The following ELFN1 variants were observed in gnomAD, a reference collection of about 807,000 sequenced individuals.
ELFN1 encodes protein ELFN1.
ELFN1 carries 6 observed loss-of-function variants against 7.6 expected under a neutral mutation model. The observed-to-expected ratio is 0.79, with a 90% CI of 0.43 to 1.56. The LOEUF is 1.56. Among genes scored for constraint, ELFN1 ranks in the 40% most tolerant of loss-of-function variants. The probability of loss-of-function intolerance (pLI) is 0.01; values close to 1 mark genes in which losing one functional copy is unlikely to be tolerated. For missense variants in ELFN1, 1,169 were observed against 1,232.2 expected, an observed-to-expected ratio of 0.95 and a Z score of 0.77; for synonymous variants, 657 against 588.1, an observed-to-expected ratio of 1.12 and a Z score of -1.70.
At chr7:1,727,105 C>T (rs1374273022) in intron 3 of ELFN1, among the ~76,000 whole-genome samples, 1 of 152,142 alleles carries the variant, frequency 6.6e-6, no homozygotes, top group African/African-American at 2.4e-5. Context: ...AGACAGCAAC[C>T]CTGTTCCGTC....
At chr7:1,667,232 G>T (rs1778685303), upstream of ELFN1, among the ~76,000 whole-genome samples, 1 of 151,848 alleles carries the variant, frequency 6.6e-6, no homozygotes, top group Non-Finnish European at 1.5e-5. This position sits in a 1 kb window ranked among gnomAD's most constrained non-coding sequence, Gnocchi z 8.2. Context: ...CGAGTCCTCC[G>T]CCGCGGGCTG....
chr7:1,719,268 GCCA>G (rs1562375717), intron 3 of ELFN1, among the ~76,000 whole-genome samples: 1 of 50,448 alleles, frequency 2.0e-5, no homozygotes, highest in Admixed American at 1.8e-4. Context: ...CAGGACCCAA[GCCA>G]CCAACAGGGC....
chr7:1,746,428 TC>T lies in ELFN1; in HGVS notation c.1834del (p.Leu612TrpfsTer72), dbSNP rs1315731970. On this transcript the variant is annotated frameshift_variant, in exon 4 of 4. Transcript: ENST00000424383. LOFTEE classifies it low-confidence loss of function (END_TRUNC). The stretch of plus-strand genomic sequence containing the variant: ...GAGCCGCTGGCCGCCAAGCACGGCT[TC>T]CTGGCGCCCGGGTACAAGGACGCCT... ...LSEPLAAKHG[F>X]LAPGYKDAFG... The T allele has an allele frequency of 6.5e-7, 1 of 1,532,338 alleles. No individual in the cohort carries two copies. The allele number at this position is 1,532,338 out of a possible 1,614,324, so 94.9% of individuals were successfully genotyped here. A position where few individuals can be genotyped will look rare whatever the true frequency, so the allele number is the denominator to read the frequency against.
chr7:1,717,663 C>G (rs150728924), intron 3 of ELFN1, among the ~76,000 whole-genome samples: 1 of 152,110 alleles, frequency 6.6e-6, no homozygotes, highest in African/African-American at 2.4e-5. Flanking sequence ...GAGTGGCCTT[C>G]TAGGAAAGAA....
In ELFN1 at chr7:1,744,518, C is replaced by A; in HGVS notation, c.-79C>A. On this transcript the variant is annotated 5_prime_UTR_variant, in exon 4 of 4. Coordinates refer to ENST00000424383, the MANE Select transcript of ELFN1 (RefSeq NM_001128636.4). ...GCACCTCCCCCTCCCGCCCCTCCAT[C>A]CCTCTGGGGGCTGGCGCCTGGCCCC... 1 of 1,397,966 alleles carries A rather than the reference C, an allele frequency of 7.2e-7. No individual in the cohort carries two copies. The highest frequency in any genetic ancestry group is 9.3e-7 in the Non-Finnish European group (1 of 1,070,424). The allele number at this position is 1,397,966 out of a possible 1,614,324, so 86.6% of individuals were successfully genotyped here.
intron 1 of ELFN1, among the ~76,000 whole-genome samples, chr7:1,678,409 C>T (rs569238493): frequency 6.6e-6 from 1 of 152,316 alleles, no homozygotes; most frequent in East Asian, 1.9e-4. Context: ...GTAAGGCCCG[C>T]GCCACTGGGA....
chr7:1,693,841 G>C (rs1002852993), intron 2 of ELFN1: 9 of 461,158 alleles, frequency 2.0e-5, no homozygotes, highest in Non-Finnish European at 4.1e-5. Context: ...GCCAATCGGG[G>C]TTCCTGGGCA....
chr7:1,684,515 G>C (rs1373347488), intron 1 of ELFN1, among the ~76,000 whole-genome samples: 1 of 151,994 alleles, frequency 6.6e-6, no homozygotes, highest in Non-Finnish European at 1.5e-5. Context: ...TGTTTTCCAT[G>C]TCTCATGTCT....
intron 3 of ELFN1, among the ~76,000 whole-genome samples, chr7:1,715,205 T>C (rs540791852): frequency 1.4e-4 from 22 of 152,226 alleles, no homozygotes; most frequent in Non-Finnish European, 2.4e-4. Context: ...ATATGTCTTA[T>C]TCATTTGCCA....
At chr7:1,702,869 G>A (rs1239360920) in intron 2 of ELFN1, among the ~76,000 whole-genome samples, 1 of 151,002 alleles carries the variant, frequency 6.6e-6, no homozygotes, top group African/African-American at 2.5e-5. Context: ...TCAGAGTGGT[G>A]GCAGCAAGTA....
chr7:1,698,697 T>C (rs987088354), intron 2 of ELFN1, among the ~76,000 whole-genome samples: 1 of 152,212 alleles, frequency 6.6e-6, no homozygotes, highest in African/African-American at 2.4e-5. Context: ...CAAGAGAAGC[T>C]TGTCAGCATT....
At position 1,675,805 on chromosome 7, in the gene ELFN1, G is replaced by A. The variant is rs369916603; in HGVS notation, c.-549+5451G>A. Reference sequence around the variant, plus strand: ...GTCCCGCGCTGTCGAGACACAGCCCGAAGTAGTGGCTGGGAAGGTGTCCCG... The same window carrying A: ...GTCCCGCGCTGTCGAGACACAGCCCAAAGTAGTGGCTGGGAAGGTGTCCCG... On this transcript the variant is annotated intron_variant, in intron 1 of 3. Coordinates refer to ENST00000424383, the MANE Select transcript of ELFN1 (RefSeq NM_001128636.4). Among the ~76,000 whole-genome samples the A allele has an allele frequency of 4.6e-5, 7 of 152,334 alleles. No homozygotes were observed. In the South Asian group the frequency reaches 1.0e-3, roughly 23 times the overall value.
At chr7:1,736,839 C>A (rs576257569) in intron 3 of ELFN1, among the ~76,000 whole-genome samples, 66 of 152,266 alleles carry the variant, frequency 4.3e-4, no homozygotes, top group African/African-American at 1.3e-3. Context: ...CCCAGCAACT[C>A]CAGTATTCAG....
chr7:1,667,193 AC>A (rs1241313240), upstream of ELFN1, among the ~76,000 whole-genome samples: 3 of 150,988 alleles, frequency 2.0e-5, no homozygotes, highest in South Asian at 6.3e-4. The surrounding 1 kb of genome is among the most constrained non-coding windows in gnomAD (Gnocchi z 8.2). Flanking sequence ...CCTGGGCCGT[AC>A]CCGCGCAATC....
At chr7:1,667,486 C>T (rs1207813931), upstream of ELFN1, among the ~76,000 whole-genome samples, 4 of 152,158 alleles carry the variant, frequency 2.6e-5, no homozygotes, top group Non-Finnish European at 4.4e-5. This position sits in a 1 kb window ranked among gnomAD's most constrained non-coding sequence, Gnocchi z 8.2. Flanking sequence ...AGCGTCCCGG[C>T]GTCCCCCCTT....
At chr7:1,717,489 G>A (rs1488690747) in intron 3 of ELFN1, among the ~76,000 whole-genome samples, 1 of 152,168 alleles carries the variant, frequency 6.6e-6, no homozygotes, top group Non-Finnish European at 1.5e-5. Flanking sequence ...CACATGCTAC[G>A]GTCCTACTGT....
intron 3 of ELFN1, among the ~76,000 whole-genome samples, 182 bp from the exon 4 acceptor site, chr7:1,744,122 C>T (rs967227431): frequency 6.6e-6 from 1 of 152,188 alleles, no homozygotes; most frequent in Non-Finnish European, 1.5e-5. Flanking sequence ...TCTCAGGACC[C>T]CCCAGGGGCT....
At chr7:1,728,108 CCTCT>C (rs780111584) in intron 3 of ELFN1, among the ~76,000 whole-genome samples, 2 of 152,178 alleles carry the variant, frequency 1.3e-5, no homozygotes, top group Non-Finnish European at 2.9e-5. Flanking sequence ...CACCCAGGGG[CCTCT>C]CTTTTTGCCT....
chr7:1,698,309 T>A (rs1053354634), intron 2 of ELFN1, among the ~76,000 whole-genome samples: 2 of 152,226 alleles, frequency 1.3e-5, no homozygotes, highest in African/African-American at 4.8e-5. Context: ...GGAATATTCC[T>A]GCCTCCCTTT....
Sources: gnomAD v4.1 joint callset for allele counts (sites outside exome capture counted in the v4.1 genomes callset) on GRCh38, gnomAD v4.1.1 for gene constraint, Gnocchi (gnomAD v3.1) non-coding constraint, MANE v1.5 for transcripts, NCBI Gene and HGNC (gene_info 2026-07-23, HGNC 2026-07-21) for gene names.